Variants in CMIP observed in about 807,000 individuals in gnomAD.
The protein encoded by CMIP is C-Maf-inducing protein.
Under a neutral mutation model 97.3 loss-of-function variants are expected in CMIP, and 13 were observed. The ratio of observed to expected loss-of-function variants is 0.13; its 90% confidence interval spans 0.09 to 0.21. CMIP has a LOEUF of 0.21. Among genes scored for constraint, CMIP ranks in the 10% least tolerant of loss-of-function variants. The probability of loss-of-function intolerance (pLI) is 1.00; values close to 1 mark genes in which losing one functional copy is unlikely to be tolerated. For synonymous variants in CMIP, 538 were observed against 436.3 expected (o/e 1.23, Z -2.91); for missense variants, 847 against 1,024.9 (o/e 0.83, Z 2.37).
chr16:81,658,102 A>G (rs890200310), intron 5 of CMIP, among the ~76,000 whole-genome samples: 4 of 152,236 alleles, frequency 2.6e-5, no homozygotes, highest in African/African-American at 9.6e-5. Context: ...TGAAGGCAGG[A>G]GATGGCAGAG....
intron 1 of CMIP, among the ~76,000 whole-genome samples, chr16:81,559,018 G>T (rs2090824573): frequency 6.6e-6 from 1 of 152,210 alleles, no homozygotes; most frequent in African/African-American, 2.4e-5. Context: ...CCCCGTGTTT[G>T]TGAATGATCG....
intron 1 of CMIP, among the ~76,000 whole-genome samples, chr16:81,557,836 C>G (rs1274872567): frequency 6.6e-6 from 1 of 152,214 alleles, no homozygotes; most frequent in East Asian, 1.9e-4. Context: ...TTTTAACATA[C>G]AGTTCGGTGG....
chr16:81,621,159 A>G lies in CMIP; in HGVS notation c.477+233A>G, dbSNP rs1889624019. The G allele has an allele frequency of 8.3e-6, 4 of 481,308 alleles. No homozygotes were observed. Among genetic ancestry groups the G allele is most frequent in the South Asian group, 2.5e-5 (1 of 40,568 alleles). The allele number at this position is 481,308 out of a possible 1,614,324, so 29.8% of individuals were successfully genotyped here. On this transcript the variant is annotated intron_variant, in intron 3 of 20. Coordinates refer to ENST00000537098, the MANE Select transcript of CMIP (RefSeq NM_198390.3). The surrounding 1 kb of genome is among the most constrained non-coding windows in gnomAD (Gnocchi z 4.1). ...TCGCCCTGGTGTTCTCAAACCCTAT[A>G]GCTGTTTTCCTGCTTCAAAAGGATC...
intron 1 of CMIP, among the ~76,000 whole-genome samples, chr16:81,445,788 G>T (rs1206636611): frequency 1.3e-5 from 2 of 151,988 alleles, no homozygotes; most frequent in African/African-American, 4.8e-5. Flanking sequence ...TCGGCCCACC[G>T]CCAGGCTGGG....
intron 1 of CMIP, chr16:81,518,553 C>T (rs1027420232): frequency 8.5e-5 from 13 of 152,324 alleles, no homozygotes; most frequent in African/African-American, 1.9e-4. Context: ...GGGCGCCCAG[C>T]ACGGGTCAGG....
chr16:81,643,012 GA>G (rs1465423677), intron 3 of CMIP, among the ~76,000 whole-genome samples: 1 of 152,228 alleles, frequency 6.6e-6, no homozygotes, highest in East Asian at 1.9e-4. Flanking sequence ...ATGCTAAGTG[GA>G]CAGAAGGCCA....
chr16:81,517,925 G>A lies in CMIP; in HGVS notation c.300+72384G>A, dbSNP rs193186682. On this transcript the variant is annotated intron_variant, in intron 1 of 20. Transcript: ENST00000537098. ...AATGTGGACCTCCTGCCACAGCCACGAGATTCAAGGATTTTCTAGGAAAAT... is the reference window on the plus strand; with the variant it reads ...AATGTGGACCTCCTGCCACAGCCACAAGATTCAAGGATTTTCTAGGAAAAT... The A allele has an allele frequency of 1.3e-4, 127 of 984,364 alleles. No homozygotes were observed. In the African/African-American group the frequency reaches 2.0e-3, roughly 16 times the overall value. The allele number at this position is 984,364 out of a possible 1,614,324, so 61.0% of individuals were successfully genotyped here. A position where few individuals can be genotyped will look rare whatever the true frequency, so the allele number is the denominator to read the frequency against.
At chr16:81,525,714 C>T (rs1233452592) in intron 1 of CMIP, among the ~76,000 whole-genome samples, 1 of 152,168 alleles carries the variant, frequency 6.6e-6, no homozygotes, top group Non-Finnish European at 1.5e-5. Context: ...CATCCATCTC[C>T]AGAACACTGT....
chr16:81,608,579 C>T (rs754982397), intron 2 of CMIP, among the ~76,000 whole-genome samples: 7 of 152,052 alleles, frequency 4.6e-5, no homozygotes, highest in Non-Finnish European at 5.9e-5. Flanking sequence ...TTCACTCCCC[C>T]GGATTACCCG....
At position 81,635,159 on chromosome 16, in the gene CMIP, A is replaced by G. The variant is rs376020306; in HGVS notation, c.477+14233A>G. Reference sequence around the variant, plus strand: ...AGCGTTGTTTCCTGAAATGCCCTGAAAATGCCACCTTATATTAATGATTAA... The same window carrying G: ...AGCGTTGTTTCCTGAAATGCCCTGAGAATGCCACCTTATATTAATGATTAA... On this transcript the variant is annotated intron_variant, in intron 3 of 20. Coordinates refer to ENST00000537098, the MANE Select transcript of CMIP (RefSeq NM_198390.3). Among the ~76,000 whole-genome samples the G allele has an allele frequency of 9.2e-5, 14 of 152,198 alleles. No individual in the cohort carries two copies. In the East Asian group the frequency reaches 2.3e-3, roughly 25 times the overall value.
chr16:81,546,951 G>A lies in CMIP; in HGVS notation c.301-60616G>A, dbSNP rs542159590. On this transcript the variant is annotated intron_variant, in intron 1 of 20. Coordinates refer to ENST00000537098, the MANE Select transcript of CMIP (RefSeq NM_198390.3). ...GCCGATGTAGAACATTCCCTGCATC[G>A]CGAGAGCTCCCTGGATGGTGCTGGG... 2.9e-3 allele frequency among the ~76,000 whole-genome samples: 446 copies of A among 152,300 alleles called. 4 individuals are homozygous for A. Among genetic ancestry groups the A allele is most frequent in the African/African-American group, 0.01 (423 of 41,570 alleles).
intron 1 of CMIP, among the ~76,000 whole-genome samples, chr16:81,486,952 G>A (rs536519381): frequency 3.9e-5 from 6 of 152,382 alleles, no homozygotes; most frequent in Admixed American, 1.3e-4. Context: ...AAAGGCGCAC[G>A]GCAGGCGATA....
At chr16:81,644,486 TG>T (rs2092341246) in intron 3 of CMIP, among the ~76,000 whole-genome samples, 1 of 152,150 alleles carries the variant, frequency 6.6e-6, no homozygotes, top group African/African-American at 2.4e-5. Flanking sequence ...AAGGGCAGTT[TG>T]GGGGTAACAC....
intron 7 of CMIP, among the ~76,000 whole-genome samples, chr16:81,668,084 G>C (rs1248137743): frequency 6.6e-6 from 1 of 152,068 alleles, no homozygotes; most frequent in Non-Finnish European, 1.5e-5. Context: ...CCAGCTTCGG[G>C]GTCAGTTAGA....
intron 3 of CMIP, among the ~76,000 whole-genome samples, chr16:81,634,009 T>C (rs2092201447): frequency 1.3e-5 from 2 of 152,204 alleles, no homozygotes; most frequent in African/African-American, 4.8e-5. Context: ...ACCCAGGGAT[T>C]TTGAACCGGT....
At position 81,587,248 on chromosome 16, in the gene CMIP, G is replaced by T. The variant is rs1188248972; in HGVS notation, c.301-20319G>T. On this transcript the variant is annotated intron_variant, in intron 1 of 20. Transcript: ENST00000537098. Reference sequence around the variant, plus strand: ...CACTGGAGCCAGCTTTACAGCTGGGGTCCACTCTGATGGGGCCGCCCATTC... The same window carrying T: ...CACTGGAGCCAGCTTTACAGCTGGGTTCCACTCTGATGGGGCCGCCCATTC... Among the ~76,000 whole-genome samples the T allele has an allele frequency of 2.0e-5, 3 of 152,246 alleles. No homozygotes were observed. The East Asian group carries it at 5.8e-4, about 29-fold the overall frequency.
At chr16:81,534,160 C>G (rs996887067) in intron 1 of CMIP, among the ~76,000 whole-genome samples, 1 of 152,190 alleles carries the variant, frequency 6.6e-6, no homozygotes, top group Non-Finnish European at 1.5e-5. Flanking sequence ...CCAGGACTTT[C>G]AGGAATGCAC....
At chr16:81,697,037 C>G (rs1906811609) in intron 14 of CMIP, 1 of 245,962 alleles carries the variant, frequency 4.1e-6, no homozygotes, top group South Asian at 6.0e-5. Flanking sequence ...ATTGAGTGCC[C>G]AACGGGACCA....
chr16:81,492,541 C>T (rs1298322855), intron 1 of CMIP, among the ~76,000 whole-genome samples: 2 of 152,064 alleles, frequency 1.3e-5, no homozygotes, highest in South Asian at 2.1e-4. Flanking sequence ...TCGCGGTGGC[C>T]GGGAGCGAGT....
Sources: allele counts gnomAD v4.1 joint callset (sites outside exome capture counted in the v4.1 genomes callset), GRCh38; gene constraint gnomAD v4.1.1; non-coding constraint Gnocchi (gnomAD v3.1); transcripts MANE v1.5; gene names NCBI Gene and HGNC (gene_info 2026-07-23, HGNC 2026-07-21).